Variants in SLC43A3 observed in about 807,000 individuals in gnomAD.
SLC43A3 encodes equilibrative nucleobase transporter 1.
SLC43A3 carries 33 observed loss-of-function variants against 53.3 expected under a neutral mutation model. The ratio of observed to expected loss-of-function variants is 0.62; its 90% CI spans 0.47 to 0.83. The LOEUF is 0.83. Among genes scored for constraint, SLC43A3 ranks in the 40% least tolerant of loss-of-function variants. The probability of loss-of-function intolerance (pLI) is 0.00; values close to 1 mark genes in which losing one functional copy is unlikely to be tolerated. For missense variants in SLC43A3, 530 were observed against 610.0 expected (o/e 0.87, Z 1.38); for synonymous variants, 236 against 246.2 (o/e 0.96, Z 0.39).
In SLC43A3 at chr11:57,416,657, T is replaced by C; in HGVS notation, c.685A>G (p.Asn229Asp). 1 of 1,613,882 alleles carries C rather than the reference T, an allele frequency of 6.2e-7. No homozygotes were observed. Among genetic ancestry groups the C allele is most frequent in the Non-Finnish European group, 8.5e-7 (1 of 1,179,848 alleles). ...PNYSYGLCPGNGTTKEEKETA... is the reference protein window; with the variant it reads ...PNYSYGLCPGDGTTKEEKETA... Reference sequence around the variant, plus strand: ...TCCTTCTCTTCCTTTGTGGTGCCATTCCCAGGGCACAGGCTATGGAAACAA... The same window carrying C: ...TCCTTCTCTTCCTTTGTGGTGCCATCCCCAGGGCACAGGCTATGGAAACAA... The change falls in exon 9 of 14, where the codon AAT becomes GAT. Residue 229 changes from asparagine (N) to aspartate (D), a missense_variant. Asn to Asp is a conservative substitution (Grantham distance 23). Coordinates refer to ENST00000395124, the MANE Select transcript of SLC43A3 (RefSeq NM_199329.3).
At chr11:57,414,532 A>G in intron 11 of SLC43A3, 83 bp downstream of exon 11, 3 of 556,130 alleles carry the variant, frequency 5.4e-6, no homozygotes, top group African/African-American at 2.0e-5. Context: ...AAAAAAAAAA[A>G]GAGCGAGAGA....
chr11:57,414,646 T>A lies in SLC43A3; in HGVS notation c.1029A>T (p.Lys343Asn). 1 of 1,613,932 alleles carries A rather than the reference T, an allele frequency of 6.2e-7. No homozygotes were observed. The highest frequency in any genetic ancestry group is 1.1e-5 in the South Asian group (1 of 91,082). Residue 343 changes from lysine to asparagine, a missense_variant, in exon 11 of 14, where the codon AAA (lysine) becomes AAT (asparagine). Physicochemically the swap from Lys to Asn is moderately conservative, Grantham distance 94. Coordinates refer to ENST00000395124, the MANE Select transcript of SLC43A3 (RefSeq NM_199329.3). ...PWNGLLMDRL[K>N]QKYQKEARKT... ...TTCTTGCTTCCTTCTGGTACTTCTGTTTAAGCCGGTCCATGAGCAGGCCAT... is the reference window on the plus strand; with the variant it reads ...TTCTTGCTTCCTTCTGGTACTTCTGATTAAGCCGGTCCATGAGCAGGCCAT...
intron 8 of SLC43A3, 116 bp downstream of exon 8, chr11:57,417,632 T>C: frequency 8.4e-7 from 1 of 1,190,808 alleles, no homozygotes; most frequent in Non-Finnish European, 1.2e-6. Context: ...CAGCAATAGC[T>C]AACAGATGCA....
At chr11:57,422,814 G>A (rs1172727765) in intron 5 of SLC43A3, among the ~76,000 whole-genome samples, 1 of 152,194 alleles carries the variant, frequency 6.6e-6, no homozygotes, top group Non-Finnish European at 1.5e-5. Context: ...AGTAGATGAT[G>A]CTGGTTTGAT....
intron 3 of SLC43A3, 40 bp downstream of exon 3, chr11:57,425,943 TGGGAGC>T (rs756390664): frequency 6.3e-7 from 1 of 1,581,158 alleles, no homozygotes; most frequent in South Asian, 1.1e-5. Context: ...TGCCACCACG[TGGGAGC>T]CAGACTTAAC....
chr11:57,418,782 C>T (rs187127766), intron 7 of SLC43A3, among the ~76,000 whole-genome samples: 9 of 151,768 alleles, frequency 5.9e-5, no homozygotes, highest in East Asian at 5.8e-4. Flanking sequence ...CCCAGCTACT[C>T]GGGTGGTTAA....
In SLC43A3 at chr11:57,415,117, G is replaced by C. The variant is rs1215032781; in HGVS notation, c.770-11C>G. The C allele has an allele frequency of 1.2e-6, 2 of 1,601,120 alleles. No individual in the cohort carries two copies. The highest frequency in any genetic ancestry group is 1.1e-5 in the South Asian group (1 of 88,822). ...CTGCCCCTGGGGTCTCTAATGGGGA[G>C]AGGAGGATCTGGGCGTGAATTACGA... On this transcript the variant is annotated splice_polypyrimidine_tract_variant and intron_variant, in intron 9 of 13. Coordinates refer to ENST00000395124, the MANE Select transcript of SLC43A3 (RefSeq NM_199329.3).
chr11:57,415,854 T>C (rs1456326771), intron 9 of SLC43A3, among the ~76,000 whole-genome samples: 1 of 152,240 alleles, frequency 6.6e-6, no homozygotes, highest in Non-Finnish European at 1.5e-5. Flanking sequence ...ATTTAAGATA[T>C]ACAATATGAG....
rs149064116 is a variant in SLC43A3, at chr11:57,414,605, C to G, written c.1060+10G>C. 10 of 1,573,602 alleles carry G rather than the reference C, an allele frequency of 6.4e-6. No individual in the cohort carries two copies. The East Asian group carries it at 1.1e-4, about 18-fold the overall frequency. ...TCCCTGACCAGCCCCTGCCCTCCCC[C>G]GCATCTCACCTGTCTTTCTTGCTTC... On this transcript the variant is annotated intron_variant, in intron 11 of 13. Transcript: ENST00000395124.
In SLC43A3 at chr11:57,414,998, T is replaced by G; in HGVS notation, c.878A>C (p.His293Pro). The G allele has an allele frequency of 6.2e-7, 1 of 1,614,032 alleles. No homozygotes were observed. Among genetic ancestry groups the G allele is most frequent in the East Asian group, 2.2e-5 (1 of 44,868 alleles). ...GTTGAGAGTGCCAATGAAGAGGTAG[T>G]GCCACAACTGTATCACAGACAGCCA... ...LVWLSVIQLW[H>P]YLFIGTLNSL... The change falls in exon 10 of 14, where the codon CAC becomes CCC. Residue 293 changes from histidine to proline, a missense_variant. This residue lies in a region of SLC43A3 where 376 missense variants were observed against 386.7 expected (regional missense o/e 0.97). Transcript: ENST00000395124.
At chr11:57,413,948 T>C (rs1942596155) in intron 11 of SLC43A3, among the ~76,000 whole-genome samples, 1 of 152,200 alleles carries the variant, frequency 6.6e-6, no homozygotes, top group African/African-American at 2.4e-5. Flanking sequence ...CCAGGAAGCC[T>C]TCCCTGACAC....
At position 57,417,732 on chromosome 11, in the gene SLC43A3, A is replaced by T. The variant is rs759683799; in HGVS notation, c.671+16T>A. 21 of 1,613,596 alleles carry T rather than the reference A, an allele frequency of 1.3e-5. No homozygotes were observed. The highest frequency in any genetic ancestry group is 1.7e-5 in the Non-Finnish European group (20 of 1,179,836). On this transcript the variant is annotated intron_variant, in intron 8 of 13. Coordinates refer to ENST00000395124, the MANE Select transcript of SLC43A3 (RefSeq NM_199329.3). Reference sequence around the variant, plus strand: ...CAATGAGGGGCTCTGGCCCACAATCACCAGATAGTCCTTACCCATAGCTGT... The same window carrying T: ...CAATGAGGGGCTCTGGCCCACAATCTCCAGATAGTCCTTACCCATAGCTGT...
chr11:57,416,505 AG>A (rs1313743066), intron 9 of SLC43A3, 67 bp downstream of exon 9: 3 of 1,257,186 alleles, frequency 2.4e-6, no homozygotes, highest in Non-Finnish European at 3.5e-6. Context: ...TCTGGAGGTG[AG>A]GGGCCAGGAA....
At chr11:57,411,107 G>A (rs1445917523) in intron 11 of SLC43A3, among the ~76,000 whole-genome samples, 1 of 152,038 alleles carries the variant, frequency 6.6e-6, no homozygotes, top group Admixed American at 6.6e-5. Flanking sequence ...AAATAAAAAT[G>A]GTTACCTAAA....
At chr11:57,424,050 G>T in intron 4 of SLC43A3, 22 bp from the exon 5 acceptor site, 1 of 1,612,286 alleles carries the variant, frequency 6.2e-7, no homozygotes, top group Non-Finnish European at 8.5e-7. Flanking sequence ...AACAGGAAAA[G>T]CAGAATATTG....
At chr11:57,409,353 C>T in intron 12 of SLC43A3, 55 bp from the exon 13 acceptor site, 7 of 1,607,876 alleles carry the variant, frequency 4.4e-6, no homozygotes, top group Non-Finnish European at 5.9e-6. Flanking sequence ...TCCCTCCAAG[C>T]AGAAGCCTGG....
intron 8 of SLC43A3, 58 bp downstream of exon 8, chr11:57,417,690 C>A: frequency 6.2e-7 from 1 of 1,603,216 alleles, no homozygotes; most frequent in Non-Finnish European, 8.5e-7. Flanking sequence ...TTTACCCTGT[C>A]CATCCCACCC....
intron 11 of SLC43A3, among the ~76,000 whole-genome samples, chr11:57,412,778 A>G (rs189546881): frequency 5.3e-4 from 81 of 152,086 alleles, no homozygotes; most frequent in Non-Finnish European, 1.1e-3. Context: ...ACTGCACTCC[A>G]GCCTAGGCAA....
intron 8 of SLC43A3, 112 bp downstream of exon 8, chr11:57,417,636 A>G: frequency 1.6e-6 from 2 of 1,218,774 alleles, no homozygotes; most frequent in Non-Finnish European, 2.3e-6. Context: ...AATAGCTAAC[A>G]GATGCACTGC....
Sources: gnomAD v4.1 joint callset for allele counts (sites outside exome capture counted in the v4.1 genomes callset) on GRCh38, gnomAD v4.1.1 for gene constraint, gnomAD v4.1.1 regional missense constraint, MANE v1.5 for transcripts, NCBI Gene and HGNC (gene_info 2026-07-23, HGNC 2026-07-21) for gene names.